Variants in RGS3 observed in about 807,000 individuals in gnomAD.
RGS3 encodes the protein regulator of G protein signaling 3.
RGS3 carries 80 observed loss-of-function variants against 132.6 expected under a neutral mutation model. The observed-to-expected ratio is 0.60, with a 90% CI of 0.50 to 0.73. The LOEUF (loss-of-function observed/expected upper bound fraction) is 0.73, where lower values mean the gene tolerates loss of function less well. RGS3 is among the 30% of genes least tolerant of loss of function. The pLI, the probability that RGS3 is intolerant of heterozygous loss-of-function variation, is 0.00. For synonymous variants in RGS3, 598 were observed against 620.6 expected, an observed-to-expected ratio of 0.96 and a Z score of 0.54; for missense variants, 1,382 against 1,530.8, an observed-to-expected ratio of 0.90 and a Z score of 1.62.
rs1019939872 is a variant in RGS3 at position 113,582,252 on chromosome 9, C to T, written c.2038-1198C>T. ...AGCTGTACAATAGTGGGTAAGTCACCGGCCTTTGGGCTCAGTTTTCTCATC... is the reference window on the plus strand; with the variant it reads ...AGCTGTACAATAGTGGGTAAGTCACTGGCCTTTGGGCTCAGTTTTCTCATC... On this transcript the variant is annotated intron_variant, in intron 19 of 24. Transcript: ENST00000350696. 27 of 963,338 alleles carry T rather than the reference C, an allele frequency of 2.8e-5. No individual in the cohort carries two copies. In the East Asian group the frequency reaches 4.6e-4, roughly 16 times the overall value. 59.7% of individuals were successfully genotyped at this position (963,338 alleles called of 1,614,324 possible). A position where few individuals can be genotyped will look rare whatever the true frequency, so the allele number is the denominator to read the frequency against.
At chr9:113,493,052 G>T (rs1830571622) in intron 7 of RGS3, among the ~76,000 whole-genome samples, 1 of 152,240 alleles carries the variant, frequency 6.6e-6, no homozygotes, top group Admixed American at 6.5e-5. Flanking sequence ...CAACAGAGTA[G>T]TATGGGCACC....
chr9:113,595,824 G>C lies in RGS3; in HGVS notation c.3411+59G>C, dbSNP rs961259138. ...ATCCCCAGGGCCCAGTGGCCCTTCA[G>C]CTGCAAGGTGGCAGCCAGCAGCACA... On this transcript the variant is annotated intron_variant, in intron 24 of 24. Coordinates refer to ENST00000350696, the Ensembl canonical transcript of RGS3. 77 of 1,570,366 alleles carry C rather than the reference G, an allele frequency of 4.9e-5. No homozygotes were observed. In the Admixed American group the frequency reaches 1.3e-3, roughly 26 times the overall value.
At chr9:113,595,746 C>G in exon 24 of RGS3, 1 of 1,614,020 alleles carries the variant, frequency 6.2e-7, no homozygotes, top group Non-Finnish European at 8.5e-7. Context: ...GAATACATCG[C>G]GATCCAGGCA....
intron 19 of RGS3, among the ~76,000 whole-genome samples, chr9:113,545,861 G>A (rs999662040): frequency 2.6e-5 from 4 of 152,156 alleles, no homozygotes; most frequent in South Asian, 2.1e-4. Context: ...ATATGAAGAC[G>A]CTGAGTCTCA....
Position 113,595,400 on chromosome 9 carries a change from G to T in RGS3, c.3245-199G>T, listed in dbSNP as rs75276938. On this transcript the variant is annotated intron_variant, in intron 23 of 24. Transcript: ENST00000350696. ...AGATGAAGACACTGAGGCATAGAGA[G>T]GGGGAGACCCCACTGAGACCCTGAA... 28 of 594,918 alleles carry T rather than the reference G, an allele frequency of 4.7e-5. No homozygotes were observed. In the East Asian group the frequency reaches 5.5e-4, roughly 12 times the overall value. 36.9% of individuals were successfully genotyped at this position (594,918 alleles called of 1,614,324 possible).
At chr9:113,497,192 T>C in intron 8 of RGS3, 122 bp from the exon 7 acceptor site, 1 of 717,296 alleles carries the variant, frequency 1.4e-6, no homozygotes, top group South Asian at 1.7e-5. Context: ...CCAGGAAGGC[T>C]GGAGAGTCTG....
chr9:113,552,046 A>G lies in RGS3; in HGVS notation c.2037+15128A>G, dbSNP rs996112876. On this transcript the variant is annotated intron_variant, in intron 19 of 24. Coordinates refer to ENST00000350696, the Ensembl canonical transcript of RGS3. ...TTTATTGCATTTTCTTAATGACTATAAATCTTGAAAAATATTATTGCCTTT... is the reference window on the plus strand; with the variant it reads ...TTTATTGCATTTTCTTAATGACTATGAATCTTGAAAAATATTATTGCCTTT... 6.6e-5 allele frequency among the ~76,000 whole-genome samples: 10 copies of G among 152,178 alleles called. No homozygotes were observed. In the East Asian group the frequency reaches 1.9e-3, roughly 29 times the overall value.
chr9:113,464,026 A>G, intron 3 of RGS3, 145 bp downstream of exon 1: 2 of 836,546 alleles, frequency 2.4e-6, no homozygotes, highest in Non-Finnish European at 3.7e-6. Context: ...TTCTCCTGTG[A>G]CTGCCCAGGA....
In RGS3 at chr9:113,584,180, A is replaced by G. The variant is rs753584155; in HGVS notation, c.2768A>G (p.Gln923Arg). 91 of 1,614,098 alleles carry G rather than the reference A, an allele frequency of 5.6e-5. No individual in the cohort carries two copies. Among genetic ancestry groups the G allele is most frequent in the African/African-American group, 8.0e-5 (6 of 74,954 alleles). Residue 923 changes from glutamine to arginine, a missense_variant, in exon 20 of 25, where the codon CAG becomes CGG. Coordinates refer to ENST00000350696, the Ensembl canonical transcript of RGS3. ...CGCAGCAGCATGATCGAGACGGGCCAGGGGGCTGAGGGTGGCCTCTCACTG... is the reference window on the plus strand; with the variant it reads ...CGCAGCAGCATGATCGAGACGGGCCGGGGGGCTGAGGGTGGCCTCTCACTG...
At chr9:113,588,374 G>T (rs931259068) in intron 20 of RGS3, among the ~76,000 whole-genome samples, 4 of 152,244 alleles carry the variant, frequency 2.6e-5, no homozygotes, top group Non-Finnish European at 4.4e-5. Flanking sequence ...TGCCAGCCTG[G>T]GCTGGATCGG....
At chr9:113,465,847 A>G (rs1345564900) in intron 3 of RGS3, among the ~76,000 whole-genome samples, 2 of 152,194 alleles carry the variant, frequency 1.3e-5, no homozygotes, top group South Asian at 2.1e-4. Flanking sequence ...AAGGATGCTT[A>G]TGAGAGCATT....
intron 19 of RGS3, 81 bp downstream of exon 17, chr9:113,536,999 CT>C: frequency 7.1e-7 from 1 of 1,404,884 alleles, no homozygotes; most frequent in South Asian, 1.2e-5. Context: ...CTGCATTGAG[CT>C]GGGGGCCAGC....
exon 20 of RGS3, chr9:113,583,516 G>A (rs753327775): frequency 4.3e-6 from 7 of 1,614,210 alleles, no homozygotes; most frequent in East Asian, 2.2e-5. Context: ...GCCTGGTGCC[G>A]AGGATTCCCC....
At chr9:113,528,381 C>T (rs191463354) in intron 17 of RGS3, among the ~76,000 whole-genome samples, 2 of 152,176 alleles carry the variant, frequency 1.3e-5, no homozygotes, top group South Asian at 2.1e-4. Context: ...GGCTGCTTCT[C>T]TGCACTTGCT....
At chr9:113,523,769 C>T (rs528171816) in intron 17 of RGS3, among the ~76,000 whole-genome samples, 10 of 152,248 alleles carry the variant, frequency 6.6e-5, no homozygotes, top group African/African-American at 2.4e-4. Context: ...ACAACAGACC[C>T]GTTTGAGGAT....
chr9:113,473,967 C>T (rs978261744), intron 3 of RGS3, among the ~76,000 whole-genome samples: 1 of 152,104 alleles, frequency 6.6e-6, no homozygotes, highest in Non-Finnish European at 1.5e-5. Context: ...TGTTATGATC[C>T]AGCCAAGATT....
intron 23 of RGS3, chr9:113,595,357 C>T (rs376512078): frequency 2.3e-5 from 13 of 562,602 alleles, no homozygotes; most frequent in African/African-American, 1.1e-4. Context: ...GAGACAGAAT[C>T]GATAGTCCCC....
intron 10 of RGS3, among the ~76,000 whole-genome samples, chr9:113,498,747 T>TC (rs1008380649): frequency 3.3e-5 from 5 of 151,832 alleles, no homozygotes; most frequent in African/African-American, 9.7e-5. Context: ...AAACCTTGTC[T>TC]CTACTAAAAA....
chr9:113,519,914 C>T (rs917200982), intron 16 of RGS3, among the ~76,000 whole-genome samples: 2 of 152,104 alleles, frequency 1.3e-5, no homozygotes, highest in African/African-American at 2.4e-5. Context: ...TGGCCCTGTG[C>T]GAGGTTCTGG....
Sources: allele counts gnomAD v4.1 joint callset (sites outside exome capture counted in the v4.1 genomes callset), GRCh38; gene constraint gnomAD v4.1.1; transcripts MANE v1.5; gene names NCBI Gene and HGNC (gene_info 2026-07-23, HGNC 2026-07-21).